Variants in DNMBP observed in about 807,000 individuals in gnomAD.
DNMBP encodes the protein dynamin-binding protein.
DNMBP carries 87 observed loss-of-function variants against 150.0 expected under a neutral mutation model. The observed-to-expected ratio is 0.58, with a 90% CI of 0.49 to 0.69. DNMBP has a LOEUF of 0.69. Ranked by LOEUF, DNMBP falls within the 30% of genes least tolerant of loss-of-function variation. The pLI, the probability that DNMBP is intolerant of heterozygous loss-of-function variation, is 0.00. For missense variants in DNMBP, 1,774 were observed against 1,949.0 expected (o/e 0.91, Z 1.69); for synonymous variants, 711 against 750.4 (o/e 0.95, Z 0.86).
intron 4 of DNMBP, among the ~76,000 whole-genome samples, chr10:99,941,034 G>A (rs554584693): frequency 4.5e-4 from 68 of 152,012 alleles, no homozygotes; most frequent in African/African-American, 1.5e-3. Context: ...ACAGGCACCC[G>A]CCACCACACT....
At chr10:99,954,744 CAAAAAAAAAAAA>C (rs751589220) in intron 4 of DNMBP, among the ~76,000 whole-genome samples, 1 of 48,840 alleles carries the variant, frequency 2.0e-5, no homozygotes, top group East Asian at 6.8e-4. Flanking sequence ...AACTCTGTCT[CAAAAAAAAAAAA>C]AAAAAAAAAA....
chr10:99,996,543 C>A (rs2040953358), intron 1 of DNMBP, among the ~76,000 whole-genome samples: 1 of 152,010 alleles, frequency 6.6e-6, no homozygotes, highest in Non-Finnish European at 1.5e-5. Context: ...AAATTCAACC[C>A]AAAAGATTTT....
At chr10:99,926,184 C>T (rs559828579) in intron 4 of DNMBP, among the ~76,000 whole-genome samples, 226 of 152,318 alleles carry the variant, frequency 1.5e-3, no homozygotes, top group African/African-American at 4.2e-3. Context: ...AACCCTAGTG[C>T]CCACACTTGG....
chr10:99,967,183 G>A (rs2040628004), intron 3 of DNMBP, among the ~76,000 whole-genome samples: 2 of 152,092 alleles, frequency 1.3e-5, no homozygotes, highest in Non-Finnish European at 2.9e-5. Flanking sequence ...AGCATCACTT[G>A]AGGCTAGGAG....
chr10:99,902,268 C>T (rs925335537), intron 6 of DNMBP, among the ~76,000 whole-genome samples: 6 of 150,498 alleles, frequency 4.0e-5, no homozygotes, highest in Admixed American at 1.3e-4. Context: ...TTTCATATCA[C>T]CTCACACTGC....
chr10:99,943,550 A>G (rs2040325991), intron 4 of DNMBP, among the ~76,000 whole-genome samples: 1 of 152,072 alleles, frequency 6.6e-6, no homozygotes, highest in Admixed American at 6.5e-5. Flanking sequence ...CTACAGGTGT[A>G]CACCACCATA....
intron 11 of DNMBP, among the ~76,000 whole-genome samples, chr10:99,890,047 G>A (rs141670539): frequency 6.6e-6 from 1 of 152,166 alleles, no homozygotes; most frequent in East Asian, 1.9e-4. Context: ...TCATACATTG[G>A]TTTGATGCTT....
rs1554857510 is a variant in DNMBP at position 99,879,101 on chromosome 10, A to AAAAC, written c.4548+709_4548+710insGTTT. Among the ~76,000 whole-genome samples the AAAAC allele has an allele frequency of 1.2e-4, 16 of 135,084 alleles. 2 individuals carry two copies. The highest frequency in any genetic ancestry group is 3.2e-4 in the African/African-American group (10 of 31,632). The allele number at this position is 135,084 out of a possible 152,430, so 88.6% of individuals were successfully genotyped here. On this transcript the variant is annotated intron_variant, in intron 16 of 16. Coordinates refer to ENST00000324109, the MANE Select transcript of DNMBP (RefSeq NM_015221.4). ...CTCTGTCTCAAAAAAAAAAAAAAAAACCCAAAACGTTTGAGATACAAAGCC... is the reference window on the plus strand; with the variant it reads ...CTCTGTCTCAAAAAAAAAAAAAAAAAAAACCCCAAAACGTTTGAGATACAAAGCC...
intron 11 of DNMBP, among the ~76,000 whole-genome samples, chr10:99,893,536 C>G (rs2039606849): frequency 6.6e-6 from 1 of 152,214 alleles, no homozygotes. Flanking sequence ...GAGATCGACA[C>G]CATCCTGGCC....
intron 12 of DNMBP, 122 bp downstream of exon 12, chr10:99,888,703 G>T: frequency 8.6e-7 from 1 of 1,164,116 alleles, no homozygotes; most frequent in Non-Finnish European, 1.2e-6. Context: ...TATGAATATA[G>T]CTAAAGGATG....
intron 2 of DNMBP, among the ~76,000 whole-genome samples, chr10:99,969,881 A>G (rs567741386): frequency 1.3e-5 from 2 of 152,212 alleles, no homozygotes; most frequent in African/African-American, 4.8e-5. Flanking sequence ...CCCTGCCTTC[A>G]GTTTTGTCCC....
chr10:99,892,945 C>T (rs2039595866), intron 11 of DNMBP, among the ~76,000 whole-genome samples: 1 of 152,084 alleles, frequency 6.6e-6, no homozygotes, highest in Admixed American at 6.5e-5. Context: ...TGCAAACCAT[C>T]TCAGACAAAG....
chr10:99,890,701 C>CAA (rs2039543166), intron 11 of DNMBP, among the ~76,000 whole-genome samples: 1 of 151,660 alleles, frequency 6.6e-6, no homozygotes, highest in Admixed American at 6.6e-5. Flanking sequence ...GGTTGGAGTG[C>CAA]AATGGCATGA....
At chr10:99,892,159 CAGGA>C (rs2039580200) in intron 11 of DNMBP, among the ~76,000 whole-genome samples, 1 of 141,916 alleles carries the variant, frequency 7.0e-6, no homozygotes, top group Non-Finnish European at 1.5e-5. Flanking sequence ...CCGCCCCGTC[CAGGA>C]GGGAGGTGGG....
rs574136094 is a variant in DNMBP at position 99,912,762 on chromosome 10, C to T, written c.2261-3616G>A. Among the ~76,000 whole-genome samples the T allele has an allele frequency of 2.4e-4, 36 of 152,252 alleles. 1 individual carries two copies. Among genetic ancestry groups the T allele is most frequent in the Non-Finnish European group, 5.0e-4 (34 of 68,014 alleles). The stretch of plus-strand genomic sequence containing the variant: ...GTTTCAAACTCCTGGGGCTCTCAAG[C>T]GATCCTCCCACCTCAGCCTCCCAAG... On this transcript the variant is annotated intron_variant, in intron 4 of 16. Transcript: ENST00000324109.
intron 11 of DNMBP, among the ~76,000 whole-genome samples, chr10:99,891,316 T>C (rs1436166670): frequency 6.8e-6 from 1 of 148,012 alleles, no homozygotes; most frequent in Non-Finnish European, 1.5e-5. Flanking sequence ...GCCCAGTGCC[T>C]GCGATTGCAG....
intron 4 of DNMBP, among the ~76,000 whole-genome samples, chr10:99,923,925 G>T (rs1421071881): frequency 6.6e-6 from 1 of 152,196 alleles, no homozygotes; most frequent in Non-Finnish European, 1.5e-5. Flanking sequence ...GGCCGAGATG[G>T]GTGGATCACC....
At chr10:99,914,461 TG>T (rs1589415451) in intron 4 of DNMBP, among the ~76,000 whole-genome samples, 1 of 152,160 alleles carries the variant, frequency 6.6e-6, no homozygotes. Flanking sequence ...AGTCTGCTCC[TG>T]AGCCTCTTTA....
chr10:99,944,337 G>A (rs2133310624), intron 4 of DNMBP, among the ~76,000 whole-genome samples: 1 of 152,266 alleles, frequency 6.6e-6, no homozygotes, highest in East Asian at 1.9e-4. Context: ...AGAAATGAAT[G>A]CACACCCTCT....
Sources: gnomAD v4.1 joint callset for allele counts (sites outside exome capture counted in the v4.1 genomes callset) on GRCh38, gnomAD v4.1.1 for gene constraint, MANE v1.5 for transcripts, NCBI Gene and HGNC (gene_info 2026-07-23, HGNC 2026-07-21) for gene names.